Variants in IMPACT observed in about 807,000 individuals in gnomAD.
IMPACT encodes impact RWD domain protein.
In IMPACT, 35 loss-of-function variants were observed where a neutral mutation model predicts 47.5. The ratio of observed to expected loss-of-function variants is 0.74; its 90% CI spans 0.56 to 0.98. IMPACT has a LOEUF of 0.98. IMPACT is among the 50% of genes least tolerant of loss of function. The probability of loss-of-function intolerance (pLI) is 0.00; values close to 1 mark genes in which losing one functional copy is unlikely to be tolerated. For missense variants in IMPACT, 373 were observed against 394.8 expected (o/e 0.94, Z 0.47); for synonymous variants, 118 against 125.6 (o/e 0.94, Z 0.40).
chr18:24,435,492 T>C, intron 4 of IMPACT: 1 of 152,224 alleles, frequency 6.6e-6, no homozygotes, highest in East Asian at 1.9e-4. Context: ...ATTTTCTACA[T>C]CTCTTCACAT....
rs1026558279 is a variant in IMPACT at position 24,451,223 on chromosome 18, A to T, written c.*376A>T. 1.3e-5 allele frequency: 2 copies of T among 158,106 alleles called. No homozygotes were observed. The highest frequency in any genetic ancestry group is 6.5e-5 in the Admixed American group (1 of 15,468). 9.8% of individuals were successfully genotyped at this position (158,106 alleles called of 1,614,324 possible). A position where few individuals can be genotyped will look rare whatever the true frequency, so the allele number is the denominator to read the frequency against. On this transcript the variant is annotated 3_prime_UTR_variant, in exon 11 of 11. Coordinates refer to ENST00000284202, the MANE Select transcript of IMPACT (RefSeq NM_018439.4). ...ATAAATACCTGATTTCTTGTCATCGAGATTCTTGTACTGTTAAATGAATAT... is the reference window on the plus strand; with the variant it reads ...ATAAATACCTGATTTCTTGTCATCGTGATTCTTGTACTGTTAAATGAATAT...
At chr18:24,434,608 A>G (rs1306357960) in intron 4 of IMPACT, among the ~76,000 whole-genome samples, 1 of 151,842 alleles carries the variant, frequency 6.6e-6, no homozygotes, top group Admixed American at 6.6e-5. Context: ...CCCCATCTCT[A>G]CAAAATTAGC....
rs1599768234 is a variant in IMPACT at position 24,448,177 on chromosome 18, C to T, written c.753C>T (p.Leu251=). 1 of 1,609,944 alleles carries T rather than the reference C, an allele frequency of 6.2e-7. No individual in the cohort carries two copies. The highest frequency in any genetic ancestry group is 8.5e-7 in the Non-Finnish European group (1 of 1,176,370). Residue 251 remains leucine (L), a synonymous_variant, in exon 9 of 11, where the codon CTC becomes CTT. Transcript: ENST00000284202. ...ETAAGGRLLH[L]MEILNVKNVM... ...CAGCTGGTGGGCGTCTTCTTCATCTCATGGAGGTAGGTGTAAGTTAAACTA... is the reference window on the plus strand; with the variant it reads ...CAGCTGGTGGGCGTCTTCTTCATCTTATGGAGGTAGGTGTAAGTTAAACTA...
intron 10 of IMPACT, 66 bp downstream of exon 10, chr18:24,450,019 CAG>C: frequency 6.5e-7 from 1 of 1,530,180 alleles, no homozygotes; most frequent in Non-Finnish European, 9.0e-7. Context: ...TTTAAAAAGA[CAG>C]AAAATTAAGA....
chr18:24,450,684 G>T, intron 10 of IMPACT, 95 bp from the exon 11 acceptor site: 1 of 733,844 alleles, frequency 1.4e-6, no homozygotes, highest in South Asian at 1.9e-5. Flanking sequence ...AATATATGTG[G>T]AATATATATG....
chr18:24,443,381 C>T (rs1223379005), intron 7 of IMPACT, among the ~76,000 whole-genome samples: 1 of 152,024 alleles, frequency 6.6e-6, no homozygotes, highest in Admixed American at 6.6e-5. Flanking sequence ...CCATGTTGCC[C>T]AGGCTGGTCT....
At chr18:24,430,271 G>A in intron 3 of IMPACT, 51 bp from the exon 4 acceptor site, 2 of 1,238,826 alleles carry the variant, frequency 1.6e-6, no homozygotes, top group South Asian at 1.4e-5. Flanking sequence ...GTAATTTGAG[G>A]TATAAACATA....
At position 24,448,081 on chromosome 18, in the gene IMPACT, A is replaced by T. The variant is rs748700753; in HGVS notation, c.669-12A>T. 6.6e-7 allele frequency: 1 copy of T among 1,521,324 alleles called. No individual in the cohort carries two copies. Among genetic ancestry groups the T allele is most frequent in the Non-Finnish European group, 9.1e-7 (1 of 1,096,092 alleles). The allele number at this position is 1,521,324 out of a possible 1,614,324, so 94.2% of individuals were successfully genotyped here. A position where few individuals can be genotyped will look rare whatever the true frequency, so the allele number is the denominator to read the frequency against. On this transcript the variant is annotated splice_polypyrimidine_tract_variant and intron_variant, in intron 8 of 10. Transcript: ENST00000284202. ...TAGTTTCAAAGTGTAATACTCTTACATGTATTTGCAGAATATATTGTGAGG... is the reference window on the plus strand; with the variant it reads ...TAGTTTCAAAGTGTAATACTCTTACTTGTATTTGCAGAATATATTGTGAGG...
chr18:24,435,117 G>A (rs500896), intron 4 of IMPACT, among the ~76,000 whole-genome samples: 2 of 151,494 alleles, frequency 1.3e-5, no homozygotes, highest in African/African-American at 4.8e-5. Flanking sequence ...GGGTTTATAG[G>A]TGTGCCACCA....
intron 1 of IMPACT, 76 bp from the exon 2 acceptor site, chr18:24,427,843 A>G: frequency 7.2e-7 from 1 of 1,390,522 alleles, no homozygotes; most frequent in South Asian, 1.3e-5. Context: ...TTGAATTTGA[A>G]TACCTTATAA....
intron 4 of IMPACT, among the ~76,000 whole-genome samples, chr18:24,431,132 G>T (rs932411406): frequency 7.9e-5 from 12 of 152,078 alleles, no homozygotes; most frequent in African/African-American, 2.9e-4. Context: ...TTGTAAAAAT[G>T]AATATAACAA....
At chr18:24,426,845 C>T in intron 1 of IMPACT, 53 bp downstream of exon 1, 2 of 1,189,896 alleles carry the variant, frequency 1.7e-6, no homozygotes, top group Non-Finnish European at 2.1e-6. Context: ...GCTCGCCTCG[C>T]CATGCCAGTC....
intron 5 of IMPACT, among the ~76,000 whole-genome samples, chr18:24,439,970 G>T (rs2144341625): frequency 6.6e-6 from 1 of 152,238 alleles, no homozygotes; most frequent in African/African-American, 2.4e-5. Flanking sequence ...ACTAATTTTA[G>T]TATCTATCCA....
chr18:24,442,326 G>T (rs368929878), intron 6 of IMPACT, among the ~76,000 whole-genome samples: 3 of 151,884 alleles, frequency 2.0e-5, no homozygotes, highest in Non-Finnish European at 4.4e-5. Flanking sequence ...GCTAATTTTT[G>T]TATTTTAGTA....
rs1324900426 is a variant in IMPACT at position 24,434,800 on chromosome 18, T to G, written c.282-3155T>G. Among the ~76,000 whole-genome samples, 4 of 145,346 alleles carry G rather than the reference T, an allele frequency of 2.8e-5. 1 individual carries two copies. The highest frequency in any genetic ancestry group is 2.5e-5 in the African/African-American group (1 of 39,782). On this transcript the variant is annotated intron_variant, in intron 4 of 10. Transcript: ENST00000284202. ...AAATATATATATATATATATATGTGTGTGTGTGTGTATATATATGTGTATT... is the reference window on the plus strand; with the variant it reads ...AAATATATATATATATATATATGTGGGTGTGTGTGTATATATATGTGTATT...
intron 7 of IMPACT, 125 bp downstream of exon 7, chr18:24,443,277 A>T: frequency 2.1e-6 from 1 of 474,054 alleles, no homozygotes; most frequent in Non-Finnish European, 3.8e-6. Context: ...TTATTTGTTC[A>T]TTTTTCTACT....
rs1434491394 is a variant in IMPACT, at chr18:24,433,685, T to TTA, written c.281+3302_281+3303insAT. 4.7e-5 allele frequency among the ~76,000 whole-genome samples: 7 copies of TTA among 149,346 alleles called. No homozygotes were observed. The East Asian group carries it at 1.4e-3, about 29-fold the overall frequency. On this transcript the variant is annotated intron_variant, in intron 4 of 10. Coordinates refer to ENST00000284202, the MANE Select transcript of IMPACT (RefSeq NM_018439.4). Reference sequence around the variant, plus strand: ...ACAGCATTTTTTTTTTTTTTTTTTTTTCTGAGACCGAGTCTTGCTCTGTTG... The same window carrying TTA: ...ACAGCATTTTTTTTTTTTTTTTTTTTTATCTGAGACCGAGTCTTGCTCTGTTG...
intron 8 of IMPACT, among the ~76,000 whole-genome samples, chr18:24,445,907 T>A (rs1338235102): frequency 6.6e-6 from 1 of 152,174 alleles, no homozygotes; most frequent in African/African-American, 2.4e-5. Flanking sequence ...GGAACATCTT[T>A]GTATACTTTT....
At position 24,434,779 on chromosome 18, in the gene IMPACT, ATAT is replaced by A. The variant is rs1568086277; in HGVS notation, c.282-3175_282-3173del. ...ACTCTGTCTCAAAAAAAAAAAAAAT[ATAT>A]ATATATATATATATGTGTGTGTGTG... On this transcript the variant is annotated intron_variant, in intron 4 of 10. Transcript: ENST00000284202. Among the ~76,000 whole-genome samples, 33 of 73,226 alleles carry A rather than the reference ATAT, an allele frequency of 4.5e-4. 1 individual carries two copies. Among genetic ancestry groups the A allele is most frequent in the African/African-American group, 6.3e-4 (14 of 22,268 alleles). The allele number at this position is 73,226 out of a possible 152,430, so 48.0% of individuals were successfully genotyped here.
Sources: allele counts gnomAD v4.1 joint callset (sites outside exome capture counted in the v4.1 genomes callset), GRCh38; gene constraint gnomAD v4.1.1; transcripts MANE v1.5; gene names NCBI Gene and HGNC (gene_info 2026-07-23, HGNC 2026-07-21).